The following KSR2 variants were observed in gnomAD, a reference collection of about 807,000 sequenced individuals.
The protein encoded by KSR2 is kinase suppressor of ras 2.
Under a neutral mutation model 107.8 loss-of-function variants are expected in KSR2, and 25 were observed. The ratio of observed to expected loss-of-function variants is 0.23; its 90% CI spans 0.17 to 0.32. The LOEUF (loss-of-function observed/expected upper bound fraction) is 0.32, where lower values mean the gene tolerates loss of function less well. Ranked by LOEUF, KSR2 falls within the 10% of genes least tolerant of loss-of-function variation. KSR2 has a pLI of 1.00. For missense variants in KSR2, 887 were observed against 1,268.9 expected, an observed-to-expected ratio of 0.70 and a Z score of 4.57; for synonymous variants, 480 against 507.0, an observed-to-expected ratio of 0.95 and a Z score of 0.71.
intron 1 of KSR2, among the ~76,000 whole-genome samples, chr12:117,866,657 C>T (rs997369231): frequency 2.0e-5 from 3 of 151,956 alleles, no homozygotes; most frequent in Non-Finnish European, 4.4e-5. Context: ...TAGAGAAACC[C>T]CATCTCTACT....
chr12:117,628,166 G>A (rs1882620201), intron 5 of KSR2, among the ~76,000 whole-genome samples: 1 of 152,006 alleles, frequency 6.6e-6, no homozygotes, highest in Admixed American at 6.6e-5. Context: ...TTAGCTCAGA[G>A]TTTATTACTG....
intron 5 of KSR2, among the ~76,000 whole-genome samples, chr12:117,617,161 C>T: frequency 6.6e-6 from 1 of 152,154 alleles, no homozygotes; most frequent in East Asian, 1.9e-4. Context: ...TTCTTCCTCT[C>T]CTCTCCCTCT....
intron 3 of KSR2, among the ~76,000 whole-genome samples, chr12:117,799,572 A>T (rs1407718074): frequency 6.6e-6 from 1 of 152,164 alleles, no homozygotes; most frequent in Non-Finnish European, 1.5e-5. Context: ...AATAAAAAAA[A>T]TTTAATCATA....
Position 117,480,725 on chromosome 12 carries a change from T to C in KSR2, c.2450+3691A>G, listed in dbSNP as rs118100921. On this transcript the variant is annotated intron_variant, in intron 16 of 19. Transcript: ENST00000339824. Reference sequence around the variant, plus strand: ...TGTTTGCCAGATTGTCCATCCCACTTAGACCTCATAAGCCCACAATCTGAG... The same window carrying C: ...TGTTTGCCAGATTGTCCATCCCACTCAGACCTCATAAGCCCACAATCTGAG... 7.2e-3 allele frequency among the ~76,000 whole-genome samples: 1,088 copies of C among 152,160 alleles called. 20 individuals carry two copies. The highest frequency in any genetic ancestry group is 0.054 in the South Asian group (258 of 4,814).
intron 3 of KSR2, among the ~76,000 whole-genome samples, chr12:117,845,746 T>A (rs1391132165): frequency 6.6e-6 from 1 of 151,548 alleles, no homozygotes; most frequent in Non-Finnish European, 1.5e-5. Context: ...AGCAGTGCAA[T>A]CTCGGCTCAC....
intron 5 of KSR2, among the ~76,000 whole-genome samples, chr12:117,601,300 G>A (rs942208817): frequency 8.6e-6 from 1 of 116,758 alleles, no homozygotes; most frequent in African/African-American, 3.5e-5. Context: ...GATCTTGGGG[G>A]GGGGGGTACC....
chr12:117,968,921 C>G lies in KSR2; in HGVS notation c.-666G>C. 1 of 256,640 alleles carries G rather than the reference C, an allele frequency of 3.9e-6. No homozygotes were observed. Among genetic ancestry groups the G allele is most frequent in the Non-Finnish European group, 7.7e-6 (1 of 129,158 alleles). The allele number at this position is 256,640 out of a possible 1,614,324, so 15.9% of individuals were successfully genotyped here. ...CTGCTGCTGCTGCTGCTGCCGCCGC[C>G]GGGCTCCGGGGGTGACGGTTGCTGC... On this transcript the variant is annotated 5_prime_UTR_variant, in exon 1 of 20. Transcript: ENST00000339824.
chr12:117,645,868 CGTGTGTGTGTGTGTGT>C lies in KSR2; in HGVS notation c.1171+21590_1171+21605del, dbSNP rs58896782. Among the ~76,000 whole-genome samples, 101 of 142,160 alleles carry C rather than the reference CGTGTGTGTGTGTGTGT, an allele frequency of 7.1e-4. 1 individual carries two copies. The highest frequency in any genetic ancestry group is 2.1e-3 in the African/African-American group (81 of 38,096). The allele number at this position is 142,160 out of a possible 152,430, so 93.3% of individuals were successfully genotyped here. A position where few individuals can be genotyped will look rare whatever the true frequency, so the allele number is the denominator to read the frequency against. On this transcript the variant is annotated intron_variant, in intron 5 of 19. Transcript: ENST00000339824. ...CTTCTGGAATGTGCATGTGTATGTG[CGTGTGTGTGTGTGTGT>C]GTGTGTGTGTGTGTGTGTGTGTGTG...
intron 1 of KSR2, among the ~76,000 whole-genome samples, chr12:117,962,451 T>G (rs1156839167): frequency 1.7e-5 from 1 of 57,902 alleles, no homozygotes; most frequent in African/African-American, 4.7e-5. Flanking sequence ...TTTTTTGGGT[T>G]TTTTTTTTTT....
chr12:117,497,401 C>A (rs1212427827), intron 14 of KSR2, among the ~76,000 whole-genome samples: 1 of 152,166 alleles, frequency 6.6e-6, no homozygotes, highest in Non-Finnish European at 1.5e-5. Context: ...CCCCTTCCCA[C>A]TACATTGTGT....
chr12:117,630,166 G>A (rs953977456), intron 5 of KSR2, among the ~76,000 whole-genome samples: 4 of 152,318 alleles, frequency 2.6e-5, no homozygotes, highest in Admixed American at 1.3e-4. Flanking sequence ...CACTAGCGAC[G>A]TCTCTCAGCA....
chr12:117,670,939 CCA>C (rs1884882272), intron 4 of KSR2, among the ~76,000 whole-genome samples: 1 of 152,146 alleles, frequency 6.6e-6, no homozygotes, highest in South Asian at 2.1e-4. Flanking sequence ...CCTCTCCTAC[CCA>C]CAGAGTCGGG....
chr12:117,867,179 G>A (rs547010337), intron 1 of KSR2, among the ~76,000 whole-genome samples: 1 of 152,150 alleles, frequency 6.6e-6, no homozygotes, highest in Admixed American at 6.5e-5. Context: ...ATCCAGGCAT[G>A]GTGTTGTGTG....
intron 3 of KSR2, among the ~76,000 whole-genome samples, chr12:117,814,647 C>T (rs1428832195): frequency 6.6e-6 from 1 of 152,170 alleles, no homozygotes; most frequent in East Asian, 1.9e-4. Flanking sequence ...GAACCACATT[C>T]CTCCACAGAG....
intron 16 of KSR2, among the ~76,000 whole-genome samples, chr12:117,478,481 C>CTGAA (rs1215500052): frequency 1.3e-5 from 2 of 151,884 alleles, no homozygotes; most frequent in Admixed American, 6.6e-5. Flanking sequence ...ATCACCCAGG[C>CTGAA]TGAAGTGCAG....
chr12:117,846,818 C>T (rs772848137), intron 3 of KSR2, among the ~76,000 whole-genome samples: 2 of 152,188 alleles, frequency 1.3e-5, no homozygotes, highest in African/African-American at 2.4e-5. Flanking sequence ...CCTGGTCACA[C>T]GAGTCTGGTG....
intron 3 of KSR2, among the ~76,000 whole-genome samples, chr12:117,831,429 G>T (rs1891961193): frequency 6.6e-6 from 1 of 152,174 alleles, no homozygotes; most frequent in Admixed American, 6.5e-5. Flanking sequence ...CTTGGCAGCT[G>T]CCCTTCTTTC....
chr12:117,581,798 C>T (rs1879679803), intron 6 of KSR2, among the ~76,000 whole-genome samples: 1 of 152,204 alleles, frequency 6.6e-6, no homozygotes, highest in Admixed American at 6.5e-5. Context: ...TGTGCACCTG[C>T]AGTCTTGTGT....
At chr12:117,879,293 A>C (rs1474988571) in intron 1 of KSR2, among the ~76,000 whole-genome samples, 1 of 152,202 alleles carries the variant, frequency 6.6e-6, no homozygotes, top group Admixed American at 6.5e-5. Flanking sequence ...TTAGAGTAAG[A>C]GTTCACCTTT....
Sources: gnomAD v4.1 joint callset for allele counts (sites outside exome capture counted in the v4.1 genomes callset) on GRCh38, gnomAD v4.1.1 for gene constraint, MANE v1.5 for transcripts, NCBI Gene and HGNC (gene_info 2026-07-23, HGNC 2026-07-21) for gene names.